Variants in RALGPS1 observed in about 807,000 individuals in gnomAD.
RALGPS1 encodes ras-specific guanine nucleotide-releasing factor RalGPS1.
In RALGPS1, 19 loss-of-function variants were observed where a neutral mutation model predicts 78.8. That is an observed-to-expected ratio of 0.24 (90% CI 0.17 to 0.35). The LOEUF is 0.35. RALGPS1 is among the 10% of genes least tolerant of loss of function. The pLI is 1.00. For synonymous variants in RALGPS1, 228 were observed against 256.3 expected, an observed-to-expected ratio of 0.89 and a Z score of 1.06; for missense variants, 454 against 688.3, an observed-to-expected ratio of 0.66 and a Z score of 3.81.
intron 11 of RALGPS1, among the ~76,000 whole-genome samples, chr9:127,182,619 G>A (rs1272052584): frequency 6.6e-6 from 1 of 151,778 alleles, no homozygotes; most frequent in African/African-American, 2.4e-5. Context: ...TAGTAGAGAT[G>A]GGTTTCACTA....
Position 127,222,994 on chromosome 9 carries a change from C to T in RALGPS1, c.*4225C>T, listed in dbSNP as rs2062814625. ...CCCGCAGTAACCACTGAACGTCAAT[C>T]AGCCCTCCATGGGGTTCTTTCGATT... On this transcript the variant is annotated 3_prime_UTR_variant, in exon 19 of 19. Transcript: ENST00000259351. The T allele has an allele frequency of 6.6e-6, 1 of 152,670 alleles. No homozygotes were observed. The highest frequency in any genetic ancestry group is 6.5e-5 in the Admixed American group (1 of 15,290). The allele number at this position is 152,670 out of a possible 1,614,324, so 9.5% of individuals were successfully genotyped here. A position where few individuals can be genotyped will look rare whatever the true frequency, so the allele number is the denominator to read the frequency against.
chr9:126,916,018 C>T (rs1179530569), intron 1 of RALGPS1, among the ~76,000 whole-genome samples: 2 of 152,142 alleles, frequency 1.3e-5, no homozygotes, highest in Admixed American at 6.5e-5. Context: ...CCTGTTTCCT[C>T]CGTTGCAAAA....
intron 10 of RALGPS1, among the ~76,000 whole-genome samples, chr9:127,171,243 T>C (rs977487579): frequency 1.3e-5 from 2 of 152,136 alleles, no homozygotes; most frequent in Non-Finnish European, 2.9e-5. Context: ...ATAGAAAATG[T>C]GTATATATGT....
intron 2 of RALGPS1, among the ~76,000 whole-genome samples, chr9:126,963,190 T>TTG (rs1040551099): frequency 1.6e-4 from 24 of 152,244 alleles, no homozygotes; most frequent in Admixed American, 4.6e-4. Flanking sequence ...CCTTGTATGA[T>TTG]TGTGTGTGTT....
intron 7 of RALGPS1, among the ~76,000 whole-genome samples, chr9:127,055,776 T>A (rs1564497105): frequency 6.6e-6 from 1 of 152,028 alleles, no homozygotes; most frequent in Admixed American, 6.5e-5. Context: ...AAGAGAGGGG[T>A]CTTATTTTTT....
intron 8 of RALGPS1, among the ~76,000 whole-genome samples, chr9:127,159,170 G>T (rs1310222529): frequency 6.6e-6 from 1 of 152,154 alleles, no homozygotes; most frequent in Non-Finnish European, 1.5e-5. Flanking sequence ...CTCTCCTCAT[G>T]CCCCTTCTTA....
chr9:127,168,687 A>C lies in RALGPS1; in HGVS notation c.757A>C (p.Thr253Pro). 1 of 1,612,562 alleles carries C rather than the reference A, an allele frequency of 6.2e-7. No homozygotes were observed. The highest frequency in any genetic ancestry group is 8.5e-7 in the Non-Finnish European group (1 of 1,178,528). Residue 253 changes from threonine to proline, a missense_variant, in exon 10 of 19, where the codon ACC (threonine) becomes CCC (proline). Coordinates refer to ENST00000259351, the MANE Select transcript of RALGPS1 (RefSeq NM_014636.3). The stretch of plus-strand genomic sequence containing the variant: ...TGGTCCACCTTTTGCAGATCACCTC[A>C]CCACCCTGCCCCATGTGCAGAAGTA... Reference protein sequence around the residue: ...LQVSCSYDHLTTLPHVQKYLK... With the variant: ...LQVSCSYDHLPTLPHVQKYLK...
chr9:127,050,278 C>A, intron 6 of RALGPS1, 146 bp downstream of exon 6: 1 of 712,638 alleles, frequency 1.4e-6, no homozygotes. Context: ...GCTTGACTTC[C>A]CTAGGCAGAG....
chr9:127,142,173 A>G (rs978009841), intron 8 of RALGPS1, among the ~76,000 whole-genome samples: 42 of 152,218 alleles, frequency 2.8e-4, no homozygotes, highest in Admixed American at 1.3e-4. Flanking sequence ...TCGTCACATC[A>G]TAGAGAGCAG....
intron 8 of RALGPS1, among the ~76,000 whole-genome samples, chr9:127,104,771 T>C (rs1409026360): frequency 6.6e-6 from 1 of 152,232 alleles, no homozygotes; most frequent in Non-Finnish European, 1.5e-5. Context: ...CACATGGCTC[T>C]GAGGCTGCTG....
intron 3 of RALGPS1, among the ~76,000 whole-genome samples, chr9:126,970,654 A>G (rs1368645435): frequency 6.6e-6 from 1 of 152,084 alleles, no homozygotes; most frequent in Non-Finnish European, 1.5e-5. Context: ...TGAGAGAGAG[A>G]AATCTCAAGA....
Position 127,166,104 on chromosome 9 carries a change from G to A in RALGPS1, c.646G>A (p.Ala216Thr). 3 of 1,611,244 alleles carry A rather than the reference G, an allele frequency of 1.9e-6. No individual in the cohort carries two copies. Among genetic ancestry groups the A allele is most frequent in the Non-Finnish European group, 2.5e-6 (3 of 1,179,238 alleles). The change falls in exon 9 of 19, where the codon GCA (alanine) becomes ACA (threonine). Residue 216 changes from alanine to threonine, a missense_variant. Physicochemically the swap from Ala to Thr is moderately conservative, Grantham distance 58. Transcript: ENST00000259351. ...TCTGGATTTAATCTACATTGATTCT[G>A]CATATCCTGCCTCAGGCAGTATCAT... ...YLLDLIYIDS[A>T]YPASGSIMEN...
At chr9:126,991,385 A>AT (rs906851822) in intron 4 of RALGPS1, among the ~76,000 whole-genome samples, 18 of 149,598 alleles carry the variant, frequency 1.2e-4, no homozygotes, top group South Asian at 6.4e-4. Flanking sequence ...TTCGAGACTC[A>AT]TTTTTTTTTT....
intron 4 of RALGPS1, among the ~76,000 whole-genome samples, chr9:127,030,777 G>A (rs1276561368): frequency 6.6e-6 from 1 of 152,264 alleles, no homozygotes; most frequent in African/African-American, 2.4e-5. Context: ...AGGCAGAGGG[G>A]TGGGATGGGG....
At chr9:126,969,388 T>G (rs890612548) in intron 3 of RALGPS1, among the ~76,000 whole-genome samples, 8 of 152,198 alleles carry the variant, frequency 5.3e-5, no homozygotes, top group African/African-American at 1.4e-4. Flanking sequence ...ACTATAGGCT[T>G]GTGCCACTGT....
intron 4 of RALGPS1, among the ~76,000 whole-genome samples, chr9:126,986,194 G>A (rs961575710): frequency 6.6e-6 from 1 of 152,246 alleles, no homozygotes; most frequent in African/African-American, 2.4e-5. Flanking sequence ...CAGACGGTGA[G>A]TTAAGGATTG....
At chr9:127,068,147 A>G (rs1215423557) in intron 7 of RALGPS1, among the ~76,000 whole-genome samples, 1 of 152,202 alleles carries the variant, frequency 6.6e-6, no homozygotes, top group Non-Finnish European at 1.5e-5. Context: ...TGCTTAACTA[A>G]GTTGCCCCTT....
At chr9:127,059,465 G>A (rs1468055427) in intron 7 of RALGPS1, among the ~76,000 whole-genome samples, 2 of 152,104 alleles carry the variant, frequency 1.3e-5, no homozygotes, top group East Asian at 3.9e-4. Context: ...CTACAACAAT[G>A]GACACTGTTC....
intron 8 of RALGPS1, among the ~76,000 whole-genome samples, chr9:127,078,801 T>C (rs966488049): frequency 7.2e-5 from 11 of 152,342 alleles, no homozygotes; most frequent in African/African-American, 2.6e-4. Flanking sequence ...AGGATGACTA[T>C]TCCTCTTTGA....
Sources: gnomAD v4.1 joint callset for allele counts (sites outside exome capture counted in the v4.1 genomes callset) on GRCh38, gnomAD v4.1.1 for gene constraint, MANE v1.5 for transcripts, NCBI Gene and HGNC (gene_info 2026-07-23, HGNC 2026-07-21) for gene names.